Variants in NFIA observed in about 807,000 individuals in gnomAD.
NFIA encodes nuclear factor 1 A-type.
A neutral mutation model predicts 62.8 loss-of-function variants in NFIA; 8 were observed. That is an observed-to-expected ratio of 0.13 (90% confidence interval 0.07 to 0.23). The LOEUF (loss-of-function observed/expected upper bound fraction) is 0.23, where lower values mean the gene tolerates loss of function less well. Ranked by LOEUF, NFIA falls within the 10% of genes least tolerant of loss-of-function variation. The pLI is 1.00. For missense variants in NFIA, 410 were observed against 642.1 expected (o/e 0.64, Z 3.91); for synonymous variants, 235 against 238.1 (o/e 0.99, Z 0.12).
Position 61,426,450 on chromosome 1 carries a change from C to G in NFIA, c.1421-15C>G. Reference sequence around the variant, plus strand: ...CGTGCCGCTTCCTGAACGCATGTGTCCCTTCCCTTCACAGCCTACTCGACA... The same window carrying G: ...CGTGCCGCTTCCTGAACGCATGTGTGCCTTCCCTTCACAGCCTACTCGACA... On this transcript the variant is annotated splice_polypyrimidine_tract_variant and intron_variant, in intron 9 of 10. Transcript: ENST00000403491. 2 of 1,541,652 alleles carry G rather than the reference C, an allele frequency of 1.3e-6. No homozygotes were observed. The highest frequency in any genetic ancestry group is 3.9e-5 in the Admixed American group (2 of 50,962).
chr1:61,284,494 TGCATGAC>T (rs1658357195), intron 3 of NFIA, among the ~76,000 whole-genome samples: 2 of 151,098 alleles, frequency 1.3e-5, no homozygotes, highest in South Asian at 4.2e-4. Context: ...CTTCCCCAAG[TGCATGAC>T]GCAGTGGAGG....
Position 61,425,686 on chromosome 1 carries a change from A to G in NFIA, c.1421-779A>G, listed in dbSNP as rs146244267. ...CCACTGAATTTTTTCCCATTAAAGT[A>G]GAAAGAAGCTCTTAAGTACAGATAC... On this transcript the variant is annotated intron_variant, in intron 9 of 10. Transcript: ENST00000403491. Among the ~76,000 whole-genome samples the G allele has an allele frequency of 2.3e-3, 352 of 152,352 alleles. 3 individuals carry two copies. The highest frequency in any genetic ancestry group is 7.9e-3 in the African/African-American group (329 of 41,590).
At chr1:61,321,034 A>G (rs942560434) in intron 3 of NFIA, among the ~76,000 whole-genome samples, 16 of 152,212 alleles carry the variant, frequency 1.1e-4, no homozygotes, top group African/African-American at 3.9e-4. Context: ...CATAAAAACA[A>G]TAAGTTTGCT....
chr1:61,223,868 A>C (rs1009336350), intron 2 of NFIA, among the ~76,000 whole-genome samples: 2 of 152,130 alleles, frequency 1.3e-5, no homozygotes, highest in African/African-American at 4.8e-5. Flanking sequence ...TTCATCTCAG[A>C]AACCTTCTAG....
intron 2 of NFIA, among the ~76,000 whole-genome samples, chr1:61,257,442 A>G (rs1478593998): frequency 7.0e-6 from 1 of 143,270 alleles, no homozygotes. Context: ...GATTCAAGCA[A>G]TTCTCCTGAC....
intron 3 of NFIA, among the ~76,000 whole-genome samples, chr1:61,290,689 C>T (rs1658822244): frequency 1.3e-5 from 2 of 152,172 alleles, no homozygotes; most frequent in African/African-American, 4.8e-5. Context: ...AGTAGCAGTG[C>T]AGAACGTCTA....
intron 10 of NFIA, among the ~76,000 whole-genome samples, chr1:61,434,236 G>A (rs1215366925): frequency 2.6e-5 from 4 of 152,170 alleles, no homozygotes; most frequent in African/African-American, 9.7e-5. Flanking sequence ...TACCTAAATC[G>A]AGGTGGTGCC....
chr1:61,093,632 C>G (rs960183609), intron 2 of NFIA, among the ~76,000 whole-genome samples: 3 of 152,056 alleles, frequency 2.0e-5, no homozygotes, highest in African/African-American at 7.2e-5. Flanking sequence ...TATCCTTTAC[C>G]TAGAATGTAG....
intron 4 of NFIA, among the ~76,000 whole-genome samples, chr1:61,349,903 A>G (rs1662459011): frequency 1.3e-5 from 2 of 152,106 alleles, no homozygotes. Flanking sequence ...CCAGCCAGTC[A>G]GTACATCTTG....
chr1:61,235,936 T>C (rs1430561256), intron 2 of NFIA, among the ~76,000 whole-genome samples: 2 of 152,038 alleles, frequency 1.3e-5, no homozygotes, highest in African/African-American at 4.8e-5. Context: ...TAGAGACACA[T>C]AGTTGTTTTA....
rs570615860 is a variant in NFIA, at chr1:61,433,895, G to A, written c.1512+7339G>A. Among the ~76,000 whole-genome samples the A allele has an allele frequency of 1.8e-4, 28 of 152,290 alleles. No homozygotes were observed. The South Asian group carries it at 5.4e-3, about 29-fold the overall frequency. On this transcript the variant is annotated intron_variant, in intron 10 of 10. Coordinates refer to ENST00000403491, the MANE Select transcript of NFIA (RefSeq NM_001134673.4). ...CGTGTCCTATGAAGGAAGGACTTGTGTATAAGCCATTCAGCACCTGCTGCT... is the reference window on the plus strand; with the variant it reads ...CGTGTCCTATGAAGGAAGGACTTGTATATAAGCCATTCAGCACCTGCTGCT...
chr1:61,087,026 AAGTT>A (rs1646230510), intron 1 of NFIA, among the ~76,000 whole-genome samples: 1 of 152,178 alleles, frequency 6.6e-6, no homozygotes, highest in South Asian at 2.1e-4. Context: ...AGTTAATCAA[AAGTT>A]AGACGTACTC....
At chr1:61,180,766 C>T (rs1372842888) in intron 2 of NFIA, among the ~76,000 whole-genome samples, 1 of 152,106 alleles carries the variant, frequency 6.6e-6, no homozygotes, top group Non-Finnish European at 1.5e-5. Context: ...CTTGGCAAAC[C>T]GTGTTATTGG....
intron 10 of NFIA, among the ~76,000 whole-genome samples, chr1:61,446,723 T>C (rs1443486532): frequency 1.3e-5 from 2 of 152,348 alleles, no homozygotes; most frequent in East Asian, 3.9e-4. Flanking sequence ...TGGGAGAATT[T>C]TTGAAATAAC....
chr1:61,084,666 A>G (rs571074905), intron 1 of NFIA, among the ~76,000 whole-genome samples: 6 of 152,170 alleles, frequency 3.9e-5, no homozygotes, highest in Non-Finnish European at 7.4e-5. Context: ...GCGAGCTGCA[A>G]TAAAGGGAAA....
intron 10 of NFIA, among the ~76,000 whole-genome samples, chr1:61,431,221 C>T (rs1215418658): frequency 2.0e-5 from 3 of 151,952 alleles, no homozygotes; most frequent in East Asian, 1.9e-4. Context: ...TAAGAGGAGG[C>T]GTTTACTTAA....
intron 10 of NFIA, among the ~76,000 whole-genome samples, chr1:61,450,753 T>TTTTTTTTTTTTTTTTTTTTTTTGAG (rs1668020289): frequency 6.6e-6 from 1 of 152,216 alleles, no homozygotes; most frequent in African/African-American, 2.4e-5. Flanking sequence ...TTTAAGTTTT[T>TTTTTTTTTTTTTTTTTTTTTTTGAG]AATCTGAAAA....
At chr1:61,188,347 C>T (rs1570343512) in intron 2 of NFIA, among the ~76,000 whole-genome samples, 1 of 152,134 alleles carries the variant, frequency 6.6e-6, no homozygotes, top group South Asian at 2.1e-4. Context: ...ATAGCAATAG[C>T]CCCTCCGAGC....
At chr1:61,173,175 T>C (rs1650080352) in intron 2 of NFIA, among the ~76,000 whole-genome samples, 1 of 152,138 alleles carries the variant, frequency 6.6e-6, no homozygotes, top group Non-Finnish European at 1.5e-5. Flanking sequence ...CCTTGGAAAG[T>C]TCACTGCTTA....
Sources: allele counts gnomAD v4.1 joint callset (sites outside exome capture counted in the v4.1 genomes callset), GRCh38; gene constraint gnomAD v4.1.1; transcripts MANE v1.5; gene names NCBI Gene and HGNC (gene_info 2026-07-23, HGNC 2026-07-21).